The following PPP2R2C variants were observed in gnomAD, a reference collection of about 807,000 sequenced individuals.
The protein encoded by PPP2R2C is protein phosphatase 2 regulatory subunit Bgamma, also known as protein phosphatase 2, regulatory subunit B, gamma.
In PPP2R2C, 10 loss-of-function variants were observed where a neutral mutation model predicts 45.3. That is an observed-to-expected ratio of 0.22 (90% confidence interval 0.14 to 0.37). PPP2R2C has a LOEUF of 0.37. Among genes scored for constraint, PPP2R2C ranks in the 10% least tolerant of loss-of-function variants. The probability of loss-of-function intolerance (pLI) is 1.00; values close to 1 mark genes in which losing one functional copy is unlikely to be tolerated. For synonymous variants in PPP2R2C, 257 were observed against 245.4 expected (o/e 1.05, Z -0.44); for missense variants, 308 against 619.7 (o/e 0.50, Z 5.34).
In PPP2R2C at chr4:6,413,248, C is replaced by A. The variant is rs992633740; in HGVS notation, c.71-32154G>T. ...ACACACAGTTGTACATACAAACACA[C>A]AGTCATGTACTCGCACACACATTGT... On this transcript the variant is annotated intron_variant, in intron 1 of 8. Transcript: ENST00000382599. Among the ~76,000 whole-genome samples, 5 of 142,276 alleles carry A rather than the reference C, an allele frequency of 3.5e-5. No individual in the cohort carries two copies. In the East Asian group the frequency reaches 1.4e-3, roughly 40 times the overall value. The allele number at this position is 142,276 out of a possible 152,430, so 93.3% of individuals were successfully genotyped here. A position where few individuals can be genotyped will look rare whatever the true frequency, so the allele number is the denominator to read the frequency against.
intron 1 of PPP2R2C, among the ~76,000 whole-genome samples, chr4:6,449,332 A>G (rs1720611236): frequency 6.6e-6 from 1 of 152,254 alleles, no homozygotes; most frequent in Non-Finnish European, 1.5e-5. Flanking sequence ...GCAGCTGCAG[A>G]GAACAGGCGC....
At chr4:6,454,222 G>A (rs577098420) in intron 1 of PPP2R2C, among the ~76,000 whole-genome samples, 16 of 152,260 alleles carry the variant, frequency 1.1e-4, no homozygotes, top group African/African-American at 3.6e-4. Context: ...TTCCCAGGGA[G>A]GGCCAGAGCA....
chr4:6,372,487 C>A (rs188377975), intron 5 of PPP2R2C, 36 bp downstream of exon 5: 1 of 1,555,676 alleles, frequency 6.4e-7, no homozygotes. Context: ...CTACTCTGCC[C>A]GTGGGAGGCA....
At chr4:6,540,827 C>A (rs755658708) in intron 1 of PPP2R2C, among the ~76,000 whole-genome samples, 2 of 152,226 alleles carry the variant, frequency 1.3e-5, no homozygotes, top group Non-Finnish European at 2.9e-5. Flanking sequence ...GGCTTCCCAG[C>A]CTGTATCAGT....
At chr4:6,512,649 GCT>G (rs1491238399) in intron 2 of PPP2R2C, among the ~76,000 whole-genome samples, 7 of 100,828 alleles carry the variant, frequency 6.9e-5, no homozygotes, top group East Asian at 7.0e-4. Context: ...TGGTGATGGT[GCT>G]GATGGTGGTG....
intron 2 of PPP2R2C, among the ~76,000 whole-genome samples, chr4:6,496,899 A>AAATAAATAAATAAAGT (rs1553904306): frequency 1.1e-4 from 17 of 151,668 alleles, no homozygotes; most frequent in Non-Finnish European, 2.1e-4. Context: ...ATAAATAAAT[A>AAATAAATAAATAAAGT]AAGTCTGTGA....
At chr4:6,512,512 T>TGGTGGTGGTGATGGTGA (rs1723670195) in intron 2 of PPP2R2C, among the ~76,000 whole-genome samples, 1 of 12,828 alleles carries the variant, frequency 7.8e-5, no homozygotes, top group Non-Finnish European at 1.5e-4. Context: ...GGTGGTGATG[T>TGGTGGTGGTGATGGTGA]TGGTGGTGGT....
chr4:6,339,842 G>A (rs1019900005), intron 6 of PPP2R2C, among the ~76,000 whole-genome samples: 1 of 152,220 alleles, frequency 6.6e-6, no homozygotes. Flanking sequence ...ATCCACGAGG[G>A]TGGAGTGGCC....
chr4:6,385,762 G>A (rs969067565), intron 1 of PPP2R2C, among the ~76,000 whole-genome samples: 6 of 152,150 alleles, frequency 3.9e-5, no homozygotes. Flanking sequence ...TAGAGATGGG[G>A]TTTCACCATA....
upstream of PPP2R2C, among the ~76,000 whole-genome samples, chr4:6,477,167 G>A (rs114607385): frequency 1.7e-3 from 256 of 152,264 alleles, 3 homozygotes; most frequent in African/African-American, 5.9e-3. Context: ...AGGATCACTT[G>A]AGCCTTGGAG....
chr4:6,417,135 T>A (rs908548168), intron 1 of PPP2R2C, among the ~76,000 whole-genome samples: 2 of 152,052 alleles, frequency 1.3e-5, no homozygotes, highest in Non-Finnish European at 2.9e-5. Context: ...TGCCGCCCCT[T>A]TTGGCTTATG....
intron 2 of PPP2R2C, among the ~76,000 whole-genome samples, chr4:6,502,984 A>G (rs1723107877): frequency 6.6e-6 from 1 of 152,000 alleles, no homozygotes; most frequent in Non-Finnish European, 1.5e-5. Flanking sequence ...TGCACATTCC[A>G]GAAGCGTCTT....
Position 6,368,570 on chromosome 4 carries a change from G to A in PPP2R2C, c.625+3953C>T, listed in dbSNP as rs1397234232. ...GGCAAGGCTCACGGTAACGGCCAGG[G>A]AGGACTTTGCAGTCCTGGGATGAAC... On this transcript the variant is annotated intron_variant, in intron 5 of 8. Transcript: ENST00000382599. The surrounding 1 kb of genome is among the most constrained non-coding windows in gnomAD (Gnocchi z 4.2). Among the ~76,000 whole-genome samples, 1 of 152,198 alleles carries A rather than the reference G, an allele frequency of 6.6e-6. No homozygotes were observed. The highest frequency in any genetic ancestry group is 1.5e-5 in the Non-Finnish European group (1 of 68,022).
chr4:6,552,838 C>T (rs1725228104), intron 1 of PPP2R2C, among the ~76,000 whole-genome samples: 1 of 152,136 alleles, frequency 6.6e-6, no homozygotes, highest in South Asian at 2.1e-4. Context: ...GACAATAAGG[C>T]TCAGGAAGGT....
upstream of PPP2R2C, among the ~76,000 whole-genome samples, chr4:6,474,139 T>C (rs558684272): frequency 8.3e-4 from 127 of 152,236 alleles, no homozygotes; most frequent in African/African-American, 2.8e-3. Flanking sequence ...ACACCCACAT[T>C]GGCCCCCACC....
chr4:6,464,666 G>T (rs1721501074), intron 1 of PPP2R2C, among the ~76,000 whole-genome samples: 1 of 152,158 alleles, frequency 6.6e-6, no homozygotes, highest in African/African-American at 2.4e-5. Context: ...ATCAGCATGT[G>T]GTTAAAGAGA....
At chr4:6,363,245 G>C (rs964065229) in intron 5 of PPP2R2C, among the ~76,000 whole-genome samples, 2 of 152,166 alleles carry the variant, frequency 1.3e-5, no homozygotes, top group African/African-American at 4.8e-5. Flanking sequence ...TCTGGGGAGG[G>C]GAGAGATTGA....
chr4:6,554,223 C>T (rs74979783), intron 1 of PPP2R2C, among the ~76,000 whole-genome samples: 5,891 of 152,210 alleles, frequency 0.039, 369 homozygotes, highest in African/African-American at 0.13. Flanking sequence ...TCCAAAATGA[C>T]GGGTGCCCTC....
intron 7 of PPP2R2C, among the ~76,000 whole-genome samples, chr4:6,333,061 G>A (rs1732539353): frequency 6.6e-6 from 1 of 152,178 alleles, no homozygotes; most frequent in South Asian, 2.1e-4. Flanking sequence ...GTCCAAGAAG[G>A]GCCCAGGCTT....
Sources: allele counts gnomAD v4.1 joint callset (sites outside exome capture counted in the v4.1 genomes callset), GRCh38; gene constraint gnomAD v4.1.1; non-coding constraint Gnocchi (gnomAD v3.1); transcripts MANE v1.5; gene names NCBI Gene and HGNC (gene_info 2026-07-23, HGNC 2026-07-21).